Variants in PHACTR2 observed in about 807,000 individuals in gnomAD.
PHACTR2 encodes phosphatase and actin regulator 2.
Under a neutral mutation model 76.0 loss-of-function variants are expected in PHACTR2, and 30 were observed. That is an observed-to-expected ratio of 0.39 (90% CI 0.30 to 0.54). The LOEUF is 0.54. PHACTR2 is among the 20% of genes least tolerant of loss of function. PHACTR2 has a pLI of 0.61. For synonymous variants in PHACTR2, 292 were observed against 292.5 expected (o/e 1.00, Z 0.02); for missense variants, 696 against 781.1 (o/e 0.89, Z 1.30).
intron 1 of PHACTR2, among the ~76,000 whole-genome samples, chr6:143,542,772 T>A (rs1036972487): frequency 2.6e-5 from 4 of 152,238 alleles, no homozygotes; most frequent in African/African-American, 9.6e-5. Context: ...AGACCTATTG[T>A]GTGAAGCCAC....
chr6:143,812,998 T>G (rs1325535529), intron 12 of PHACTR2, among the ~76,000 whole-genome samples: 1 of 152,250 alleles, frequency 6.6e-6, no homozygotes, highest in Non-Finnish European at 1.5e-5. Context: ...TTGAGTAATT[T>G]TAATTTTCCT....
rs532388415 is a variant in PHACTR2 at position 143,581,435 on chromosome 6, G to A, written c.217+44228G>A. Among the ~76,000 whole-genome samples, 636 of 152,228 alleles carry A rather than the reference G, an allele frequency of 4.2e-3. 8 individuals carry two copies. The highest frequency in any genetic ancestry group is 0.014 in the African/African-American group (594 of 41,518). ...GAACCCACCAGTCAGGCATGATCTC[G>A]GAGAGGGCGCTTGTTTGGGGGTTAC... On this transcript the variant is annotated intron_variant, in intron 1 of 11. Transcript: ENST00000367584. The surrounding 1 kb of genome is among the most constrained non-coding windows in gnomAD (Gnocchi z 4.5).
Position 143,829,463 on chromosome 6 carries a change from G to A in PHACTR2, c.*5774G>A, listed in dbSNP as rs1776615952. 6.6e-6 allele frequency: 1 copy of A among 152,080 alleles called. No individual in the cohort carries two copies. The highest frequency in any genetic ancestry group is 1.5e-5 in the Non-Finnish European group (1 of 68,008). The allele number at this position is 152,080 out of a possible 1,614,324, so 9.4% of individuals were successfully genotyped here. The stretch of plus-strand genomic sequence containing the variant: ...ATGCTTGAATTTCCCCTGTATAAAT[G>A]TAGTCATGCGATTCAACTTTTCTAA... On this transcript the variant is annotated 3_prime_UTR_variant, in exon 13 of 13. Transcript: ENST00000440869.
chr6:143,619,094 A>G lies in PHACTR2; in HGVS notation c.13+10772A>G, dbSNP rs1020277969. Among the ~76,000 whole-genome samples the G allele has an allele frequency of 4.6e-5, 7 of 152,220 alleles. No individual in the cohort carries two copies. The highest frequency in any genetic ancestry group is 4.6e-4 in the Admixed American group (7 of 15,284). ...TGGCCATATGCAATTTAATATGAGCAGCAGTTCTTCAACTGAGGAGCCCAT... is the reference window on the plus strand; with the variant it reads ...TGGCCATATGCAATTTAATATGAGCGGCAGTTCTTCAACTGAGGAGCCCAT... On this transcript the variant is annotated intron_variant, in intron 1 of 11. Transcript: ENST00000305766. This position sits in a 1 kb window ranked among gnomAD's most constrained non-coding sequence, Gnocchi z 4.5.
At position 143,608,210 on chromosome 6, in the gene PHACTR2, A is replaced by T. The variant is rs1245978711; in HGVS notation, c.-100A>T. ...ATGAAGTATGCTCAGTGTGCCAGCA[A>T]GGGCTGATAATCAGCAGAAGGACAG... On this transcript the variant is annotated 5_prime_UTR_variant, in exon 1 of 12. Transcript: ENST00000305766. This position sits in a 1 kb window ranked among gnomAD's most constrained non-coding sequence, Gnocchi z 4.6. 8.2e-7 allele frequency: 1 copy of T among 1,223,014 alleles called. No individual in the cohort carries two copies. The highest frequency in any genetic ancestry group is 1.5e-5 in the African/African-American group (1 of 67,310). 75.8% of individuals were successfully genotyped at this position (1,223,014 alleles called of 1,614,324 possible).
Position 143,755,337 on chromosome 6 carries a change from C to G in PHACTR2, c.454+1425C>G. On this transcript the variant is annotated intron_variant, in intron 4 of 12. Coordinates refer to ENST00000440869, the MANE Select transcript of PHACTR2 (RefSeq NM_001100164.2). This position sits in a 1 kb window ranked among gnomAD's most constrained non-coding sequence, Gnocchi z 5.2. ...AATTTCAAATCCATCTGTGGTTTGT[C>G]CCTGGCAGCCTTCTCACATCCAAGA... 2.2e-6 allele frequency: 1 copy of G among 456,044 alleles called. No homozygotes were observed. Among genetic ancestry groups the G allele is most frequent in the Non-Finnish European group, 4.4e-6 (1 of 226,796 alleles). 28.2% of individuals were successfully genotyped at this position (456,044 alleles called of 1,614,324 possible). A position where few individuals can be genotyped will look rare whatever the true frequency, so the allele number is the denominator to read the frequency against.
chr6:143,642,501 GTT>G (rs1455630768), intron 1 of PHACTR2, among the ~76,000 whole-genome samples: 172 of 152,306 alleles, frequency 1.1e-3, no homozygotes, highest in Non-Finnish European at 1.8e-3. Flanking sequence ...GTTTGATTGT[GTT>G]ATGGATTGAG....
chr6:143,566,307 T>A (rs1468954010), intron 1 of PHACTR2, among the ~76,000 whole-genome samples: 3 of 151,894 alleles, frequency 2.0e-5, no homozygotes, highest in Non-Finnish European at 2.9e-5. Flanking sequence ...TTTGTATTTT[T>A]TTTTAGAGAC....
chr6:143,613,449 T>C (rs1291238668), intron 1 of PHACTR2, among the ~76,000 whole-genome samples: 2 of 152,208 alleles, frequency 1.3e-5, no homozygotes, highest in African/African-American at 2.4e-5. Context: ...GGGACTAAAT[T>C]TTCTTCCTAG....
At chr6:143,551,964 G>T (rs757776629) in intron 1 of PHACTR2, among the ~76,000 whole-genome samples, 3 of 152,124 alleles carry the variant, frequency 2.0e-5, no homozygotes, top group Non-Finnish European at 4.4e-5. Context: ...AAAGTTTACT[G>T]CATAGTGCTT....
At chr6:143,718,745 A>G (rs1472290102) in intron 2 of PHACTR2, among the ~76,000 whole-genome samples, 1 of 152,148 alleles carries the variant, frequency 6.6e-6, no homozygotes, top group Non-Finnish European at 1.5e-5. Flanking sequence ...TTCCACATCT[A>G]GAAAGTAGGG....
intron 1 of PHACTR2, among the ~76,000 whole-genome samples, chr6:143,559,989 G>A (rs549846243): frequency 1.3e-5 from 2 of 152,158 alleles, no homozygotes; most frequent in African/African-American, 2.4e-5. Context: ...GGGATTACAG[G>A]TGTGAGCCAC....
intron 2 of PHACTR2, among the ~76,000 whole-genome samples, chr6:143,729,026 A>G (rs1778640085): frequency 6.6e-6 from 1 of 152,200 alleles, no homozygotes; most frequent in African/African-American, 2.4e-5. Context: ...CTGCTCAGCA[A>G]AGGAAGCAGT....
At chr6:143,707,123 A>C (rs56404863) in intron 1 of PHACTR2, among the ~76,000 whole-genome samples, 9,330 of 152,308 alleles carry the variant, frequency 0.061, 582 homozygotes, top group African/African-American at 0.17. Flanking sequence ...AAACTGTAAT[A>C]GAAATAAAAA....
At chr6:143,790,191 G>A (rs779031481) in intron 11 of PHACTR2, among the ~76,000 whole-genome samples, 1 of 152,162 alleles carries the variant, frequency 6.6e-6, no homozygotes, top group Non-Finnish European at 1.5e-5. Context: ...TCAACGTATG[G>A]CTGGTGATTG....
Position 143,823,102 on chromosome 6 carries a change from G to A in PHACTR2, c.1923-572G>A, listed in dbSNP as rs1236752234. 6.6e-6 allele frequency among the ~76,000 whole-genome samples: 1 copy of A among 152,220 alleles called. No homozygotes were observed. Among genetic ancestry groups the A allele is most frequent in the Non-Finnish European group, 1.5e-5 (1 of 68,036 alleles). On this transcript the variant is annotated intron_variant, in intron 12 of 12. Transcript: ENST00000440869. The surrounding 1 kb of genome is among the most constrained non-coding windows in gnomAD (Gnocchi z 5.7). ...AAGATAGAATATTAAATAAGACAAA[G>A]TGCAAAGGCAGGTTAACAAGGAAAG...
chr6:143,781,091 C>T (rs1775417955), intron 9 of PHACTR2, among the ~76,000 whole-genome samples: 1 of 152,174 alleles, frequency 6.6e-6, no homozygotes, highest in Non-Finnish European at 1.5e-5. Context: ...CAAGCTTGGA[C>T]TACATAGGGA....
intron 1 of PHACTR2, among the ~76,000 whole-genome samples, chr6:143,707,261 A>T (rs1407125694): frequency 2.0e-5 from 3 of 152,250 alleles, no homozygotes. Flanking sequence ...AAGCATACAC[A>T]GCAGAGTGTT....
At chr6:143,691,922 C>T (rs2474152) in intron 1 of PHACTR2, among the ~76,000 whole-genome samples, 144,533 of 152,278 alleles carry the variant, frequency 0.95, 68,695 homozygotes, top group East Asian at 1. Flanking sequence ...TGCATTCTGT[C>T]TTGGATAATG....
Sources: gnomAD v4.1 joint callset for allele counts (sites outside exome capture counted in the v4.1 genomes callset) on GRCh38, gnomAD v4.1.1 for gene constraint, Gnocchi (gnomAD v3.1) non-coding constraint, MANE v1.5 for transcripts, NCBI Gene and HGNC (gene_info 2026-07-23, HGNC 2026-07-21) for gene names.